The following SS18L2 variants were observed in gnomAD, a reference collection of about 807,000 sequenced individuals.
SS18L2 encodes the protein SS18 like 2.
Under a neutral mutation model 10.3 loss-of-function variants are expected in SS18L2, and 8 were observed. That is an observed-to-expected ratio of 0.78 (90% confidence interval 0.46 to 1.41). The LOEUF is 1.41. Ranked by LOEUF, SS18L2 falls within the 40% of genes most tolerant of loss-of-function variation. The probability of loss-of-function intolerance (pLI) is 0.00; values close to 1 mark genes in which losing one functional copy is unlikely to be tolerated. For missense variants in SS18L2, 100 were observed against 96.2 expected (o/e 1.04, Z -0.17); for synonymous variants, 41 against 34.6 (o/e 1.19, Z -0.65).
At chr3:42,581,936 G>A (rs1304515724) in exon 1 of SS18L2, 2 of 152,348 alleles carry the variant, frequency 1.3e-5, no homozygotes, top group Admixed American at 1.3e-4. Flanking sequence ...GCTCGGCCCA[G>A]GTCACCGGCA....
intron 1 of SS18L2, among the ~76,000 whole-genome samples, chr3:42,584,955 C>T (rs967090851): frequency 2.5e-4 from 38 of 152,166 alleles, no homozygotes; most frequent in South Asian, 8.3e-4. Flanking sequence ...GGCAAAACCC[C>T]GTCTCTATTG....
At chr3:42,590,494 G>A (rs140615471), upstream of SS18L2, among the ~76,000 whole-genome samples, 28 of 152,252 alleles carry the variant, frequency 1.8e-4, no homozygotes, top group African/African-American at 6.3e-4. Context: ...GGGCGTGGTG[G>A]CGGGCGCCTG....
At chr3:42,588,109 C>A (rs1283728769), upstream of SS18L2, among the ~76,000 whole-genome samples, 2 of 150,998 alleles carry the variant, frequency 1.3e-5, no homozygotes, top group South Asian at 2.1e-4. Context: ...ACAACAACAA[C>A]AACAAAAACC....
At chr3:42,587,962 A>T (rs1197091718), upstream of SS18L2, among the ~76,000 whole-genome samples, 1 of 151,716 alleles carries the variant, frequency 6.6e-6, no homozygotes, top group African/African-American at 2.4e-5. Context: ...AATCCTGGCC[A>T]CTTGGGAGGC....
rs1375110103 is a variant in SS18L2, at chr3:42,590,956, C to T, written c.59C>T (p.Thr20Ile). The change falls in exon 1 of 3, where the codon ACT (threonine) becomes ATT (isoleucine). Residue 20 changes from threonine to isoleucine, a missense_variant. Thr to Ile is a moderately conservative substitution (Grantham distance 89, BLOSUM62 -1). Transcript: ENST00000011691. ...LRGKAEVNQE[T>I]IQRLLEENDQ... ...GGCAAGGCGGAAGTCAATCAAGAGA[C>T]TATCCAGCGGGTGAGCATCCACGCG... 2.2e-6 allele frequency: 3 copies of T among 1,385,408 alleles called. No homozygotes were observed. Among genetic ancestry groups the T allele is most frequent in the African/African-American group, 3.1e-5 (2 of 63,646 alleles). The allele number at this position is 1,385,408 out of a possible 1,614,324, so 85.8% of individuals were successfully genotyped here.
Position 42,595,978 on chromosome 3 carries a change from G to C in SS18L2, c.*1469G>C, listed in dbSNP as rs1441231898. 6.6e-6 allele frequency among the ~76,000 whole-genome samples: 1 copy of C among 152,064 alleles called. No homozygotes were observed. Among genetic ancestry groups the C allele is most frequent in the African/African-American group, 2.4e-5 (1 of 41,400 alleles). On this transcript the variant is annotated 3_prime_UTR_variant, in exon 3 of 3. Coordinates refer to ENST00000011691, the MANE Select transcript of SS18L2 (RefSeq NM_001370300.1). ...TTAGCACTAATGTGCTGAGGGCTCT[G>C]GCTCTTTCTTTTTTCTTTTTCTTCT...
rs1330505908 is a variant in SS18L2, at chr3:42,596,858, CAAGAT to C, written c.*2354_*2358del. On this transcript the variant is annotated 3_prime_UTR_variant, in exon 3 of 3. Transcript: ENST00000011691. Reference sequence around the variant, plus strand: ...AGAAAGAAGAGAATTGCTGGAATGTCAAGATAAGAATGAATTCTAGGTTTAAAGTT... The same window carrying C: ...AGAAAGAAGAGAATTGCTGGAATGTCAAGAATGAATTCTAGGTTTAAAGTT... 2.6e-5 allele frequency among the ~76,000 whole-genome samples: 4 copies of C among 152,134 alleles called. No individual in the cohort carries two copies. The highest frequency in any genetic ancestry group is 7.2e-5 in the African/African-American group (3 of 41,434).
In SS18L2 at chr3:42,591,488, C is replaced by T. The variant is rs756830222; in HGVS notation, c.70-37C>T. ...GGTTACAGGCGTGAGCCACTGCGCC[C>T]GGCCTGCACTGACCCTTTCTTTCTC... On this transcript the variant is annotated intron_variant, in intron 1 of 2. Transcript: ENST00000011691. 45 of 1,537,118 alleles carry T rather than the reference C, an allele frequency of 2.9e-5. 1 individual carries two copies. In the South Asian group the frequency reaches 4.5e-4, roughly 15 times the overall value.
intron 2 of SS18L2, among the ~76,000 whole-genome samples, chr3:42,592,193 T>TTTTTC (rs1704874411): frequency 6.6e-6 from 1 of 152,040 alleles, no homozygotes; most frequent in Admixed American, 6.5e-5. Flanking sequence ...TACGCCCATT[T>TTTTTC]TTTTCTTTTC....
chr3:42,589,192 C>T (rs1043525002), upstream of SS18L2, among the ~76,000 whole-genome samples: 2 of 151,860 alleles, frequency 1.3e-5, no homozygotes, highest in African/African-American at 2.4e-5. Flanking sequence ...TCGCTTGAAC[C>T]CGGGAGGCAG....
In SS18L2 at chr3:42,594,599, T is replaced by A; in HGVS notation, c.*90T>A. ...TCTCTTACAAAATGGAGACAGGGTC[T>A]TTACCAACTCAACTGGTTAAAACAT... On this transcript the variant is annotated 3_prime_UTR_variant, in exon 3 of 3. Transcript: ENST00000011691. 8.9e-7 allele frequency: 1 copy of A among 1,124,380 alleles called. No homozygotes were observed. The highest frequency in any genetic ancestry group is 2.4e-5 in the East Asian group (1 of 41,796). 69.7% of individuals were successfully genotyped at this position (1,124,380 alleles called of 1,614,324 possible).
chr3:42,588,590 C>T (rs971942375), upstream of SS18L2, among the ~76,000 whole-genome samples: 5 of 152,046 alleles, frequency 3.3e-5, no homozygotes, highest in African/African-American at 1.2e-4. Context: ...ATATAAATTA[C>T]ATGAAATTTT....
intron 2 of SS18L2, among the ~76,000 whole-genome samples, chr3:42,594,172 GATCT>G (rs1704958115): frequency 2.0e-5 from 3 of 152,366 alleles, no homozygotes; most frequent in African/African-American, 7.2e-5. Context: ...CGCAAAGATA[GATCT>G]GGGAGACTAG....
At position 42,591,214 on chromosome 3, in the gene SS18L2, T is replaced by TG. The variant is rs1180419275; in HGVS notation, c.69+248_69+249insG. On this transcript the variant is annotated intron_variant, in intron 1 of 2. Coordinates refer to ENST00000011691, the MANE Select transcript of SS18L2 (RefSeq NM_001370300.1). ...ACCCTTTCTCTCCTTTTTTTTTTTTTTTTGAGACGGAGTCCCGCTCTGTCG... is the reference window on the plus strand; with the variant it reads ...ACCCTTTCTCTCCTTTTTTTTTTTTTGTTTGAGACGGAGTCCCGCTCTGTCG... The TG allele has an allele frequency of 2.4e-5, 14 of 593,372 alleles. No individual in the cohort carries two copies. The Admixed American group carries it at 2.4e-4, about 10-fold the overall frequency. The allele number at this position is 593,372 out of a possible 1,614,324, so 36.8% of individuals were successfully genotyped here. A position where few individuals can be genotyped will look rare whatever the true frequency, so the allele number is the denominator to read the frequency against.
rs1704971836 is a variant in SS18L2 at position 42,594,543 on chromosome 3, GC to G, written c.*35del. 2 of 1,568,068 alleles carry G rather than the reference GC, an allele frequency of 1.3e-6. No homozygotes were observed. The highest frequency in any genetic ancestry group is 1.4e-5 in the African/African-American group (1 of 74,008). On this transcript the variant is annotated 3_prime_UTR_variant, in exon 3 of 3. Coordinates refer to ENST00000011691, the MANE Select transcript of SS18L2 (RefSeq NM_001370300.1). ...AAGCAATAGAATAATCTTCCATTTG[GC>G]TGTCGTGAGGAGTAATTGAATGTAA...
chr3:42,591,274 C>G (rs1704828568), intron 1 of SS18L2: 6 of 563,516 alleles, frequency 1.1e-5, no homozygotes, highest in Non-Finnish European at 1.9e-5. Flanking sequence ...TCTTGGCTCA[C>G]TGAAACCACC....
At chr3:42,588,499 A>G (rs532778694), upstream of SS18L2, among the ~76,000 whole-genome samples, 20 of 152,330 alleles carry the variant, frequency 1.3e-4, no homozygotes, top group African/African-American at 4.8e-4. Context: ...CATAAAGCCT[A>G]CAGGTAAGAT....
chr3:42,593,414 C>CT, intron 2 of SS18L2, among the ~76,000 whole-genome samples: 1 of 152,074 alleles, frequency 6.6e-6, no homozygotes, highest in Non-Finnish European at 1.5e-5. Context: ...AAGACTCCGT[C>CT]TCAATAAATA....
chr3:42,594,552 AG>A lies in SS18L2; in HGVS notation c.*45del. The A allele has an allele frequency of 3.3e-6, 5 of 1,534,146 alleles. No homozygotes were observed. The highest frequency in any genetic ancestry group is 3.6e-6 in the Non-Finnish European group (4 of 1,109,050). On this transcript the variant is annotated 3_prime_UTR_variant, in exon 3 of 3. Coordinates refer to ENST00000011691, the MANE Select transcript of SS18L2 (RefSeq NM_001370300.1). The stretch of plus-strand genomic sequence containing the variant: ...AATAATCTTCCATTTGGCTGTCGTG[AG>A]GAGTAATTGAATGTAATCCATCTCT...
Sources: gnomAD v4.1 joint callset for allele counts (sites outside exome capture counted in the v4.1 genomes callset) on GRCh38, gnomAD v4.1.1 for gene constraint, MANE v1.5 for transcripts, NCBI Gene and HGNC (gene_info 2026-07-23, HGNC 2026-07-21) for gene names.